CR1L: variants seen among roughly 807,000 people sequenced by gnomAD.
The protein encoded by CR1L is complement component receptor 1-like protein.
A neutral mutation model predicts 62.3 loss-of-function variants in CR1L; 59 were observed. That is an observed-to-expected ratio of 0.95 (90% CI 0.77 to 1.18). The LOEUF is 1.18. CR1L is among the 50% of genes most tolerant of loss of function. The pLI is 0.00. For missense variants in CR1L, 700 were observed against 702.8 expected (o/e 1.00, Z 0.04); for synonymous variants, 279 against 248.7 (o/e 1.12, Z -1.15).
chr1:207,714,033 G>A (rs550042033), intron 10 of CR1L, among the ~76,000 whole-genome samples: 12 of 152,328 alleles, frequency 7.9e-5, no homozygotes, highest in African/African-American at 2.6e-4. Context: ...TCATACCTGC[G>A]TTTGGTGGGT....
intron 4 of CR1L, among the ~76,000 whole-genome samples, chr1:207,693,055 T>C (rs1479521299): frequency 1.3e-5 from 2 of 152,248 alleles, no homozygotes; most frequent in Admixed American, 6.5e-5. Context: ...TTGTCTATGT[T>C]TCCTGCTGCT....
At chr1:207,659,892 G>T (rs1256030465) in intron 1 of CR1L, among the ~76,000 whole-genome samples, 1 of 152,236 alleles carries the variant, frequency 6.6e-6, no homozygotes, top group Non-Finnish European at 1.5e-5. Context: ...ACGGAGCCTT[G>T]CTCGCTGCTA....
At chr1:207,645,977 G>A (rs1478798023) in intron 1 of CR1L, among the ~76,000 whole-genome samples, 1 of 150,474 alleles carries the variant, frequency 6.6e-6, no homozygotes, top group African/African-American at 2.5e-5. Flanking sequence ...TCTGCGGCTA[G>A]GGAGGGCATG....
intron 10 of CR1L, among the ~76,000 whole-genome samples, chr1:207,712,974 T>G (rs187074074): frequency 5.5e-4 from 84 of 152,100 alleles, no homozygotes; most frequent in African/African-American, 2.0e-3. Context: ...GAGATTAATT[T>G]ATGGAAGGGT....
At chr1:207,723,275 C>A (rs1045045013) in intron 11 of CR1L, among the ~76,000 whole-genome samples, 2 of 151,990 alleles carry the variant, frequency 1.3e-5, no homozygotes, top group African/African-American at 4.8e-5. Flanking sequence ...ACTAAAAACA[C>A]AAAAATTAGC....
intron 10 of CR1L, among the ~76,000 whole-genome samples, chr1:207,713,916 C>G: frequency 6.6e-6 from 1 of 152,212 alleles, no homozygotes; most frequent in East Asian, 1.9e-4. Flanking sequence ...CCAAGGCTGA[C>G]TTGGCCTGCA....
intron 1 of CR1L, among the ~76,000 whole-genome samples, chr1:207,664,997 A>T (rs1348363339): frequency 6.6e-6 from 1 of 152,212 alleles, no homozygotes; most frequent in Non-Finnish European, 1.5e-5. Context: ...TACTTTTATG[A>T]TTTATTACTT....
At chr1:207,645,747 C>T (rs1203662299) in intron 1 of CR1L, among the ~76,000 whole-genome samples, 2 of 152,046 alleles carry the variant, frequency 1.3e-5, no homozygotes, top group African/African-American at 4.8e-5. Context: ...TCCCTTGGTG[C>T]CTTGGTGAGT....
chr1:207,645,494 T>A lies in CR1L; in HGVS notation c.97+164T>A, dbSNP rs148801689. Among the ~76,000 whole-genome samples, 37 of 152,240 alleles carry A rather than the reference T, an allele frequency of 2.4e-4. No homozygotes were observed. In the East Asian group the frequency reaches 7.0e-3, roughly 29 times the overall value. On this transcript the variant is annotated intron_variant, in intron 1 of 11. Transcript: ENST00000508064. ...GTGCCGTGCTCAGATCCCGGGGGTA[T>A]GTGGCGGGGGATGCGGGAACCACGC...
chr1:207,672,697 G>A (rs114791921), intron 1 of CR1L, among the ~76,000 whole-genome samples: 309 of 152,222 alleles, frequency 2.0e-3, no homozygotes, highest in Non-Finnish European at 3.5e-3. Flanking sequence ...TTACCAGGGA[G>A]TGTTTAACAT....
chr1:207,668,713 AT>A (rs1255539710), intron 1 of CR1L, among the ~76,000 whole-genome samples: 1 of 151,012 alleles, frequency 6.6e-6, no homozygotes, highest in African/African-American at 2.5e-5. Flanking sequence ...AGTAACCAAA[AT>A]CCAATACATG....
At chr1:207,685,374 G>T (rs1003526794) in intron 4 of CR1L, among the ~76,000 whole-genome samples, 2 of 152,202 alleles carry the variant, frequency 1.3e-5, no homozygotes, top group African/African-American at 4.8e-5. Flanking sequence ...GATGAACAAT[G>T]AACTTCTTTT....
chr1:207,714,613 T>C (rs1653946219), intron 10 of CR1L, among the ~76,000 whole-genome samples: 1 of 152,180 alleles, frequency 6.6e-6, no homozygotes, highest in Non-Finnish European at 1.5e-5. Flanking sequence ...GATAACTAGA[T>C]TGAGCAATTA....
At chr1:207,670,684 G>A (rs1663598068) in intron 1 of CR1L, among the ~76,000 whole-genome samples, 1 of 150,990 alleles carries the variant, frequency 6.6e-6, no homozygotes, top group South Asian at 2.1e-4. Flanking sequence ...AGAAAACCAA[G>A]TTCCCCCAAG....
intron 1 of CR1L, among the ~76,000 whole-genome samples, chr1:207,651,966 G>C (rs934424291): frequency 2.5e-4 from 38 of 152,154 alleles, no homozygotes; most frequent in African/African-American, 8.7e-4. Flanking sequence ...TAGAATATTT[G>C]AGTTCATATT....
At position 207,701,438 on chromosome 1, in the gene CR1L, G is replaced by A. The variant is rs1252964657; in HGVS notation, c.1229-81G>A. Reference sequence around the variant, plus strand: ...CAGAACTGCGTGTTTTCTTCAGGAAGCTACATGCAGGTTGAGACCTTACGT... The same window carrying A: ...CAGAACTGCGTGTTTTCTTCAGGAAACTACATGCAGGTTGAGACCTTACGT... On this transcript the variant is annotated intron_variant, in intron 8 of 11. Transcript: ENST00000508064. 9.7e-6 allele frequency: 15 copies of A among 1,548,148 alleles called. No individual in the cohort carries two copies. The East Asian group carries it at 1.8e-4, about 19-fold the overall frequency.
chr1:207,676,767 G>A (rs1223151578), intron 1 of CR1L, among the ~76,000 whole-genome samples: 2 of 152,074 alleles, frequency 1.3e-5, no homozygotes, highest in Admixed American at 1.3e-4. Flanking sequence ...TGATTCTCCT[G>A]CCTCAGTCTC....
At chr1:207,718,077 A>C (rs1344726076) in intron 11 of CR1L, among the ~76,000 whole-genome samples, 1 of 152,256 alleles carries the variant, frequency 6.6e-6, no homozygotes, top group African/African-American at 2.4e-5. Context: ...CAAAAAGTAC[A>C]TGATGATGTA....
chr1:207,661,218 T>C (rs1335833292), intron 1 of CR1L, among the ~76,000 whole-genome samples: 1 of 152,204 alleles, frequency 6.6e-6, no homozygotes, highest in Non-Finnish European at 1.5e-5. Flanking sequence ...TTCTGTCTCA[T>C]TGATCGTCTA....
Sources: allele counts gnomAD v4.1 joint callset (sites outside exome capture counted in the v4.1 genomes callset), GRCh38; gene constraint gnomAD v4.1.1; transcripts MANE v1.5; gene names NCBI Gene and HGNC (gene_info 2026-07-23, HGNC 2026-07-21).